The following PRKD1 variants were observed in gnomAD, a reference collection of about 807,000 sequenced individuals.
PRKD1 encodes serine/threonine-protein kinase D1.
PRKD1 carries 63 observed loss-of-function variants against 95.9 expected under a neutral mutation model. The observed-to-expected ratio is 0.66, with a 90% CI of 0.54 to 0.81. The LOEUF is 0.81. PRKD1 is among the 30% of genes least tolerant of loss of function. The probability of loss-of-function intolerance (pLI) is 0.00; values close to 1 mark genes in which losing one functional copy is unlikely to be tolerated. For missense variants in PRKD1, 1,048 were observed against 1,165.3 expected (o/e 0.90, Z 1.47); for synonymous variants, 425 against 423.1 (o/e 1.00, Z -0.05).
At chr14:29,631,208 C>T (rs890289630) in intron 9 of PRKD1, among the ~76,000 whole-genome samples, 187 bp from the exon 10 acceptor site, 3 of 152,084 alleles carry the variant, frequency 2.0e-5, no homozygotes, top group African/African-American at 7.2e-5. Flanking sequence ...TATGGGAAAC[C>T]TTATTTCCTT....
chr14:29,927,552 G>T lies in PRKD1; in HGVS notation c.-40C>A. On this transcript the variant is annotated 5_prime_UTR_variant, in exon 1 of 18. Transcript: ENST00000331968. ...CAGGGCCGGGCAGCGGAGGGCGGGG[G>T]CTGGCGGCGCGGCAGCAGGAAAGTT... The T allele has an allele frequency of 2.7e-6, 3 of 1,131,238 alleles. No individual in the cohort carries two copies. Among genetic ancestry groups the T allele is most frequent in the Admixed American group, 4.9e-5 (1 of 20,494 alleles). 70.1% of individuals were successfully genotyped at this position (1,131,238 alleles called of 1,614,324 possible). A position where few individuals can be genotyped will look rare whatever the true frequency, so the allele number is the denominator to read the frequency against.
intron 13 of PRKD1, among the ~76,000 whole-genome samples, chr14:29,623,615 T>C (rs538110430): frequency 2.5e-4 from 38 of 152,174 alleles, no homozygotes; most frequent in Non-Finnish European, 4.1e-4. Flanking sequence ...CATAATACAT[T>C]TTATTATCAA....
At chr14:29,896,336 T>A (rs1894123282) in intron 1 of PRKD1, among the ~76,000 whole-genome samples, 1 of 150,742 alleles carries the variant, frequency 6.6e-6, no homozygotes, top group Non-Finnish European at 1.5e-5. Flanking sequence ...AATTATAAGG[T>A]TTTTAAGGTT....
At chr14:29,851,008 C>T (rs1187171566) in intron 1 of PRKD1, among the ~76,000 whole-genome samples, 1 of 152,126 alleles carries the variant, frequency 6.6e-6, no homozygotes, top group Non-Finnish European at 1.5e-5. Context: ...AAAGGACTCC[C>T]TATTCAATAA....
At chr14:29,672,248 G>A (rs1882893292) in intron 2 of PRKD1, among the ~76,000 whole-genome samples, 1 of 151,970 alleles carries the variant, frequency 6.6e-6, no homozygotes, top group Admixed American at 6.6e-5. Context: ...GGCTGAGGCA[G>A]GAGAATGGCG....
In PRKD1 at chr14:29,588,937, C is replaced by T. The variant is rs150255993; in HGVS notation, c.2434+8554G>A. 3.5e-3 allele frequency among the ~76,000 whole-genome samples: 526 copies of T among 151,904 alleles called. 2 individuals are homozygous for T. The highest frequency in any genetic ancestry group is 0.011 in the African/African-American group (470 of 41,458). ...AGCAGAAACAACTCAGCAGGTGACTCGGGAATAGGTGCTTCTTCAGACTTC... is the reference window on the plus strand; with the variant it reads ...AGCAGAAACAACTCAGCAGGTGACTTGGGAATAGGTGCTTCTTCAGACTTC... On this transcript the variant is annotated intron_variant, in intron 16 of 17. Transcript: ENST00000331968.
chr14:29,794,973 C>T (rs1361844606), intron 1 of PRKD1, among the ~76,000 whole-genome samples: 1 of 152,046 alleles, frequency 6.6e-6, no homozygotes, highest in African/African-American at 2.4e-5. Flanking sequence ...AGATGGACAG[C>T]AGTACACACC....
intron 1 of PRKD1, among the ~76,000 whole-genome samples, chr14:29,739,510 A>G (rs1886888953): frequency 6.6e-6 from 1 of 152,228 alleles, no homozygotes; most frequent in Non-Finnish European, 1.5e-5. Flanking sequence ...TAAATGGGAA[A>G]AGATATCTAA....
At chr14:29,818,682 A>G (rs1379411661) in intron 1 of PRKD1, among the ~76,000 whole-genome samples, 1 of 151,888 alleles carries the variant, frequency 6.6e-6, no homozygotes, top group Non-Finnish European at 1.5e-5. Flanking sequence ...TTCAATATCA[A>G]TGGAAAGTCA....
At chr14:29,684,939 C>T (rs780526313) in intron 2 of PRKD1, among the ~76,000 whole-genome samples, 12 of 152,306 alleles carry the variant, frequency 7.9e-5, no homozygotes, top group Middle Eastern at 6.8e-3. Context: ...CCAAAAGACC[C>T]TTTTCCCCCT....
chr14:29,801,925 T>G (rs1890049509), intron 1 of PRKD1, among the ~76,000 whole-genome samples: 1 of 152,124 alleles, frequency 6.6e-6, no homozygotes, highest in Non-Finnish European at 1.5e-5. Flanking sequence ...TGACCTCAGG[T>G]GATCCACCCG....
At chr14:29,868,871 G>T (rs146076650) in intron 1 of PRKD1, among the ~76,000 whole-genome samples, 1 of 152,090 alleles carries the variant, frequency 6.6e-6, no homozygotes, top group African/African-American at 2.4e-5. Flanking sequence ...CAATCGATAC[G>T]GACACAAGTG....
intron 4 of PRKD1, among the ~76,000 whole-genome samples, chr14:29,640,725 A>AT (rs1456496394): frequency 6.6e-6 from 1 of 152,168 alleles, no homozygotes; most frequent in Admixed American, 6.5e-5. Context: ...AAATGAAAAT[A>AT]TTTTTCCATA....
At chr14:29,893,756 G>T (rs549956280) in intron 1 of PRKD1, among the ~76,000 whole-genome samples, 2 of 152,242 alleles carry the variant, frequency 1.3e-5, no homozygotes, top group South Asian at 4.1e-4. Context: ...GGGCTCCAGT[G>T]CTAGTTCTAA....
At chr14:29,813,619 T>G (rs1321789705) in intron 1 of PRKD1, among the ~76,000 whole-genome samples, 2 of 152,084 alleles carry the variant, frequency 1.3e-5, no homozygotes, top group East Asian at 3.9e-4. Flanking sequence ...TATTTCTACT[T>G]AAACTGTTAG....
At chr14:29,751,681 T>G (rs560178307) in intron 1 of PRKD1, among the ~76,000 whole-genome samples, 7 of 152,340 alleles carry the variant, frequency 4.6e-5, no homozygotes, top group Admixed American at 1.3e-4. Context: ...GGATTGAATA[T>G]ATACATGGCA....
chr14:29,656,611 T>TGC, intron 4 of PRKD1: 1 of 1,235,354 alleles, frequency 8.1e-7, no homozygotes, highest in Non-Finnish European at 1.1e-6. Flanking sequence ...CTCAATAATG[T>TGC]TTCATATAGG....
intron 1 of PRKD1, among the ~76,000 whole-genome samples, chr14:29,773,782 G>A (rs372322878): frequency 6.6e-6 from 1 of 152,066 alleles, no homozygotes; most frequent in East Asian, 1.9e-4. Context: ...AGCTGCACAC[G>A]AGACAATGAA....
chr14:29,737,742 A>G (rs1886796231), intron 1 of PRKD1, among the ~76,000 whole-genome samples: 1 of 152,198 alleles, frequency 6.6e-6, no homozygotes, highest in African/African-American at 2.4e-5. Context: ...ATTCAGCTGT[A>G]AGGGACAGTC....
Sources: allele counts gnomAD v4.1 joint callset (sites outside exome capture counted in the v4.1 genomes callset), GRCh38; gene constraint gnomAD v4.1.1; transcripts MANE v1.5; gene names NCBI Gene and HGNC (gene_info 2026-07-23, HGNC 2026-07-21).